JMJD6: variants seen among roughly 807,000 people sequenced by gnomAD.
JMJD6 encodes the protein bifunctional arginine demethylase and lysyl-hydroxylase JMJD6.
JMJD6 carries 17 observed loss-of-function variants against 45.8 expected under a neutral mutation model. The ratio of observed to expected loss-of-function variants is 0.37; its 90% confidence interval spans 0.25 to 0.56. JMJD6 has a LOEUF of 0.56. Among genes scored for constraint, JMJD6 ranks in the 20% least tolerant of loss-of-function variants. JMJD6 has a pLI of 0.79. For missense variants in JMJD6, 470 were observed against 517.5 expected (o/e 0.91, Z 0.89); for synonymous variants, 221 against 196.3 (o/e 1.13, Z -1.05).
intron 3 of JMJD6, among the ~76,000 whole-genome samples, chr17:76,722,892 AACACAAACAAGCCG>A (rs2076844582): frequency 6.2e-5 from 4 of 64,786 alleles, no homozygotes; most frequent in African/African-American, 2.2e-4. Flanking sequence ...AATTTACAGA[AACACAAACAAGCCG>A]CTACACATAC....
chr17:76,720,322 T>G, intron 5 of JMJD6, 38 bp downstream of exon 5: 6 of 1,598,650 alleles, frequency 3.8e-6, no homozygotes, highest in Non-Finnish European at 4.3e-6. Context: ...ACATGAGCCT[T>G]GGAGGCTCCA....
chr17:76,719,963 A>G (rs1489473686), intron 5 of JMJD6, among the ~76,000 whole-genome samples: 1 of 152,168 alleles, frequency 6.6e-6, no homozygotes, highest in Non-Finnish European at 1.5e-5. Context: ...TGAAGTATAC[A>G]GAGTTTATAG....
chr17:76,722,583 C>T (rs186045472), intron 3 of JMJD6, among the ~76,000 whole-genome samples: 4 of 152,156 alleles, frequency 2.6e-5, no homozygotes, highest in East Asian at 1.9e-4. Context: ...TGGTGGCTCA[C>T]GCCTGTAATC....
At chr17:76,725,198 C>T (rs1323430752) in intron 2 of JMJD6, among the ~76,000 whole-genome samples, 4 of 152,106 alleles carry the variant, frequency 2.6e-5, no homozygotes, top group South Asian at 2.1e-4. Flanking sequence ...CACCTGAAGT[C>T]GGGAGTTCGA....
chr17:76,720,774 G>T, intron 4 of JMJD6: 1 of 323,464 alleles, frequency 3.1e-6, no homozygotes, highest in Non-Finnish European at 5.8e-6. Flanking sequence ...CAATACACGA[G>T]GCACAATTTT....
At position 76,720,478 on chromosome 17, in the gene JMJD6, G is replaced by A; in HGVS notation, c.962C>T (p.Pro321Leu). The change falls in exon 5 of 6, where the codon CCC becomes CTC. Residue 321 changes from proline (P) to leucine (L), a missense_variant. Pro to Leu is a moderately conservative substitution (Grantham distance 98). Around this residue, in one of 4 missense-constraint regions of JMJD6, gnomAD observed 58 missense variants for 103.9 expected, o/e 0.56. Transcript: ENST00000397625. ...CGAGTCTGCGAGGACTGCCAACTCGGGGTGCTCTTGCTTCAAAATCCTGAG... is the reference window on the plus strand; with the variant it reads ...CGAGTCTGCGAGGACTGCCAACTCGAGGTGCTCTTGCTTCAAAATCCTGAG... ...KWYRILKQEH[P>L]ELAVLADSVD... 6.2e-7 allele frequency: 1 copy of A among 1,614,102 alleles called. No homozygotes were observed. The highest frequency in any genetic ancestry group is 8.5e-7 in the Non-Finnish European group (1 of 1,179,996).
intron 5 of JMJD6, 63 bp downstream of exon 5, chr17:76,720,297 G>A (rs2076806777): frequency 6.8e-7 from 1 of 1,469,142 alleles, no homozygotes; most frequent in African/African-American, 1.4e-5. Context: ...AGTCACACCT[G>A]GTTATGACTG....
At chr17:76,724,138 T>C in intron 2 of JMJD6, 80 bp from the exon 3 acceptor site, 1 of 1,459,460 alleles carries the variant, frequency 6.9e-7, no homozygotes, top group East Asian at 2.3e-5. Context: ...TTTTAGTTTT[T>C]CTTTGAGAGT....
chr17:76,715,594 C>CT (rs1343941752), downstream of JMJD6: 3 of 152,224 alleles, frequency 2.0e-5, no homozygotes, highest in Non-Finnish European at 4.4e-5. Flanking sequence ...CACAGCCTCC[C>CT]TGCCTGTGAA....
chr17:76,716,745 CTGT>C, downstream of JMJD6: 1 of 1,613,914 alleles, frequency 6.2e-7, no homozygotes. Flanking sequence ...GCACAACTGC[CTGT>C]AATCAGCACG....
chr17:76,724,798 C>G (rs766514433), intron 2 of JMJD6, among the ~76,000 whole-genome samples: 48 of 149,476 alleles, frequency 3.2e-4, no homozygotes, highest in Non-Finnish European at 2.7e-4. Flanking sequence ...GCTTGGACGA[C>G]AGAGGGAGAC....
chr17:76,720,750 G>C (rs1187529558), intron 4 of JMJD6: 6 of 355,256 alleles, frequency 1.7e-5, no homozygotes, highest in East Asian at 8.6e-5. Context: ...GCATAAATGA[G>C]CCAGCCGTGC....
Position 76,726,565 on chromosome 17 carries a change from A to ACGG in JMJD6, c.-93_-91dup, listed in dbSNP as rs2076943496. 4 of 1,471,874 alleles carry ACGG rather than the reference A, an allele frequency of 2.7e-6. No individual in the cohort carries two copies. The African/African-American group carries it at 4.4e-5, about 16-fold the overall frequency. The allele number at this position is 1,471,874 out of a possible 1,614,324, so 91.2% of individuals were successfully genotyped here. A position where few individuals can be genotyped will look rare whatever the true frequency, so the allele number is the denominator to read the frequency against. Reference sequence around the variant, plus strand: ...CCCCTCCCCGGCCTGGGCGGCGGCGACGGCAGTACCCAAACGCCCTTCGCT... The same window carrying ACGG: ...CCCCTCCCCGGCCTGGGCGGCGGCGACGGCGGCAGTACCCAAACGCCCTTCGCT... On this transcript the variant is annotated 5_prime_UTR_variant, in exon 1 of 6. Transcript: ENST00000397625.
At position 76,720,488 on chromosome 17, in the gene JMJD6, G is replaced by A. The variant is rs367626052; in HGVS notation, c.952C>T (p.Gln318Ter). 6.2e-7 allele frequency: 1 copy of A among 1,613,948 alleles called. No individual in the cohort carries two copies. The highest frequency in any genetic ancestry group is 1.3e-5 in the African/African-American group (1 of 74,916). The change falls in exon 5 of 6, where the codon CAA becomes TAA. Residue 318 changes from glutamine (Q) to a stop codon, truncating the protein, a stop_gained. Coordinates refer to ENST00000397625, the MANE Select transcript of JMJD6 (RefSeq NM_015167.3). LOFTEE classifies it high-confidence loss of function. Reference sequence around the variant, plus strand: ...AGGACTGCCAACTCGGGGTGCTCTTGCTTCAAAATCCTGAGAGGCAAGAAG... The same window carrying A: ...AGGACTGCCAACTCGGGGTGCTCTTACTTCAAAATCCTGAGAGGCAAGAAG... ...LSRKWYRILK[Q>*]EHPELAVLAD...
intron 4 of JMJD6, among the ~76,000 whole-genome samples, chr17:76,721,581 A>G (rs1457083570): frequency 1.3e-5 from 2 of 152,220 alleles, no homozygotes; most frequent in African/African-American, 4.8e-5. Flanking sequence ...GCTTGGATTC[A>G]ACATGCAGAG....
At position 76,720,220 on chromosome 17, in the gene JMJD6, C is replaced by T; in HGVS notation, c.1080+140G>A. ...ATACACCACTCAGCAGGAATGGTGACAACTGTGTAACCCTTAGAACAACGT... is the reference window on the plus strand; with the variant it reads ...ATACACCACTCAGCAGGAATGGTGATAACTGTGTAACCCTTAGAACAACGT... On this transcript the variant is annotated intron_variant, in intron 5 of 5. Coordinates refer to ENST00000397625, the MANE Select transcript of JMJD6 (RefSeq NM_015167.3). 9.5e-6 allele frequency: 7 copies of T among 736,330 alleles called. No homozygotes were observed. In the South Asian group the frequency reaches 1.2e-4, roughly 13 times the overall value. The allele number at this position is 736,330 out of a possible 1,614,324, so 45.6% of individuals were successfully genotyped here. A position where few individuals can be genotyped will look rare whatever the true frequency, so the allele number is the denominator to read the frequency against.
chr17:76,714,996 C>T (rs2076754158), downstream of JMJD6: 1 of 152,124 alleles, frequency 6.6e-6, no homozygotes, highest in African/African-American at 2.4e-5. Context: ...CCTATCCAGA[C>T]CACTGGCAAC....
chr17:76,715,528 C>G (rs947421504), downstream of JMJD6: 3 of 152,224 alleles, frequency 2.0e-5, no homozygotes, highest in African/African-American at 7.2e-5. Flanking sequence ...CCTGGTTACA[C>G]CTGTTTCTAG....
chr17:76,723,943 T>C lies in JMJD6; in HGVS notation c.634A>G (p.Ser212Gly). ...GHKRWCLFPT[S>G]TPRELIKVTR... ...ACTTTGATGAGTTCCCTGGGAGTGCTGGTAGGAAACAGGCACCAGCGCTTG... is the reference window on the plus strand; with the variant it reads ...ACTTTGATGAGTTCCCTGGGAGTGCCGGTAGGAAACAGGCACCAGCGCTTG... The change falls in exon 3 of 6, where the codon AGC becomes GGC. Residue 212 changes from serine to glycine, a missense_variant. Transcript: ENST00000397625. 1 of 1,614,114 alleles carries C rather than the reference T, an allele frequency of 6.2e-7. No homozygotes were observed. Among genetic ancestry groups the C allele is most frequent in the Non-Finnish European group, 8.5e-7 (1 of 1,180,014 alleles).
Sources: gnomAD v4.1 joint callset for allele counts (sites outside exome capture counted in the v4.1 genomes callset) on GRCh38, gnomAD v4.1.1 for gene constraint, gnomAD v4.1.1 regional missense constraint, MANE v1.5 for transcripts, NCBI Gene and HGNC (gene_info 2026-07-23, HGNC 2026-07-21) for gene names.